Variants in EMX2 observed in about 807,000 individuals in gnomAD.
EMX2 encodes the protein empty spiracles homeobox 2.
EMX2 carries 6 observed loss-of-function variants against 23.0 expected under a neutral mutation model. That is an observed-to-expected ratio of 0.26 (90% CI 0.14 to 0.52). The LOEUF is 0.52. Among genes scored for constraint, EMX2 ranks in the 20% least tolerant of loss-of-function variants. The pLI, the probability that EMX2 is intolerant of heterozygous loss-of-function variation, is 0.97. For missense variants in EMX2, 302 were observed against 341.4 expected, an observed-to-expected ratio of 0.88 and a Z score of 0.91; for synonymous variants, 175 against 153.3, an observed-to-expected ratio of 1.14 and a Z score of -1.04.
At position 117,548,394 on chromosome 10, in the gene EMX2, G is replaced by A. The variant is rs1846610620; in HGVS notation, c.*162G>A. ...GCAGCGGAATGCGGCGAAGACTCTGGACAGCGAGGGCACAGGGTCCCAAAC... is the reference window on the plus strand; with the variant it reads ...GCAGCGGAATGCGGCGAAGACTCTGAACAGCGAGGGCACAGGGTCCCAAAC... On this transcript the variant is annotated 3_prime_UTR_variant, in exon 3 of 3. Coordinates refer to ENST00000553456, the MANE Select transcript of EMX2 (RefSeq NM_004098.4). 3 of 1,159,812 alleles carry A rather than the reference G, an allele frequency of 2.6e-6. No individual in the cohort carries two copies. In the African/African-American group the frequency reaches 4.7e-5, roughly 18 times the overall value. The allele number at this position is 1,159,812 out of a possible 1,614,324, so 71.8% of individuals were successfully genotyped here. A position where few individuals can be genotyped will look rare whatever the true frequency, so the allele number is the denominator to read the frequency against.
chr10:117,545,515 G>A (rs954780123), intron 1 of EMX2, 117 bp from the exon 2 acceptor site: 21 of 1,286,610 alleles, frequency 1.6e-5, no homozygotes, highest in Non-Finnish European at 2.3e-5. Flanking sequence ...CGCAGGTCGA[G>A]CGGCGCGGCT....
chr10:117,544,902 C>T (rs977315158), intron 1 of EMX2: 3 of 152,240 alleles, frequency 2.0e-5, no homozygotes, highest in African/African-American at 7.2e-5. Context: ...CCTCACCAGA[C>T]CCGGAGCCGC....
intron 1 of EMX2, among the ~76,000 whole-genome samples, 154 bp downstream of exon 1, chr10:117,543,827 C>T (rs929654999): frequency 2.6e-5 from 4 of 152,218 alleles, no homozygotes; most frequent in African/African-American, 9.6e-5. Flanking sequence ...CGGCGCGGGG[C>T]CGGGCGTGGT....
rs753421276 is a variant in EMX2, at chr10:117,545,648, C to G, written c.423C>G (p.Pro141=). Residue 141 remains proline (P), a synonymous_variant, in exon 2 of 3, where the codon CCC becomes CCG. Coordinates refer to ENST00000553456, the MANE Select transcript of EMX2 (RefSeq NM_004098.4). ...TCCCCGCAGGGAACGACACTAGCCC[C>G]GAGAGTTTCCTTTTGCACAACGCGC... is the stretch of plus-strand genomic sequence containing the variant. The part of the protein sequence containing the change: ...GHRFQGNDTS[P]ESFLLHNALA... 6.2e-7 allele frequency: 1 copy of G among 1,614,114 alleles called. No individual in the cohort carries two copies. Among genetic ancestry groups the G allele is most frequent in the Non-Finnish European group, 8.5e-7 (1 of 1,180,030 alleles).
In EMX2 at chr10:117,548,744, GT is replaced by G. The variant is rs1389730027; in HGVS notation, c.*515del. On this transcript the variant is annotated 3_prime_UTR_variant, in exon 3 of 3. Transcript: ENST00000553456. ...TTTTTTGTTTTTTGCACTTCGCTGT[GT>G]TTCCCCCCCATCTTTAAAAATAATT... The G allele has an allele frequency of 2.5e-6, 1 of 406,530 alleles. No homozygotes were observed. The highest frequency in any genetic ancestry group is 4.3e-6 in the Non-Finnish European group (1 of 230,864). The allele number at this position is 406,530 out of a possible 1,614,324, so 25.2% of individuals were successfully genotyped here. A position where few individuals can be genotyped will look rare whatever the true frequency, so the allele number is the denominator to read the frequency against.
rs755940979 is a variant in EMX2 at position 117,543,348 on chromosome 10, C to T, written c.81C>T (p.Ser27=). 2 of 1,560,780 alleles carry T rather than the reference C, an allele frequency of 1.3e-6. No homozygotes were observed. The highest frequency in any genetic ancestry group is 1.7e-6 in the Non-Finnish European group (2 of 1,153,182). ...AKDSPLPASR[S]EDPIRPAALS... is the part of the protein sequence containing the mutation. ...ACAGTCCCCTGCCCGCCTCGCGCTC[C>T]GAGGACCCCATCCGTCCCGCGGCAC... Residue 27 remains serine, a synonymous_variant, in exon 1 of 3, where the codon TCC becomes TCT. Coordinates refer to ENST00000553456, the MANE Select transcript of EMX2 (RefSeq NM_004098.4).
rs1004214830 is a variant in EMX2, at chr10:117,543,788, G to A, written c.406+115G>A. Reference sequence around the variant, plus strand: ...CTGGGCGGAGGTTCCTCCGGCTCGCGGGCCAGCGCGCCCTGTTGGGAAACT... The same window carrying A: ...CTGGGCGGAGGTTCCTCCGGCTCGCAGGCCAGCGCGCCCTGTTGGGAAACT... On this transcript the variant is annotated intron_variant, in intron 1 of 2. Transcript: ENST00000553456. The A allele has an allele frequency of 3.3e-6, 5 of 1,515,902 alleles. No individual in the cohort carries two copies. The South Asian group carries it at 3.4e-5, about 10-fold the overall frequency. 93.9% of individuals were successfully genotyped at this position (1,515,902 alleles called of 1,614,324 possible).
At position 117,543,174 on chromosome 10, in the gene EMX2, C is replaced by G. The variant is rs965583845; in HGVS notation, c.-94C>G. ...ACCCCAAACAAACGAGTCCCCAATT[C>G]TCGTCCGTCCTCGCCGCGGGCAGCG... On this transcript the variant is annotated 5_prime_UTR_variant, in exon 1 of 3. Coordinates refer to ENST00000553456, the MANE Select transcript of EMX2 (RefSeq NM_004098.4). 1.8e-4 allele frequency: 116 copies of G among 646,128 alleles called. No homozygotes were observed. Among genetic ancestry groups the G allele is most frequent in the Non-Finnish European group, 2.4e-4 (115 of 477,210 alleles). The allele number at this position is 646,128 out of a possible 1,614,324, so 40.0% of individuals were successfully genotyped here. A position where few individuals can be genotyped will look rare whatever the true frequency, so the allele number is the denominator to read the frequency against.
Position 117,545,702 on chromosome 10 carries a change from C to A in EMX2, c.477C>A (p.Thr159=). ...ALARKPKRIR[T]AFSPSQLLRL... is the part of the protein sequence containing the mutation. ...CCCGAAAGCCCAAGCGGATCCGAACCGCCTTCTCCCCGTCCCAGCTTCTAA... is the reference window on the plus strand; with the variant it reads ...CCCGAAAGCCCAAGCGGATCCGAACAGCCTTCTCCCCGTCCCAGCTTCTAA... The change falls in exon 2 of 3, where the codon ACC becomes ACA. Residue 159 remains threonine, a synonymous_variant. Transcript: ENST00000553456. 1 of 1,614,162 alleles carries A rather than the reference C, an allele frequency of 6.2e-7. No individual in the cohort carries two copies.
intron 2 of EMX2, among the ~76,000 whole-genome samples, chr10:117,546,683 G>T (rs1846583272): frequency 6.6e-6 from 1 of 152,260 alleles, no homozygotes; most frequent in African/African-American, 2.4e-5. Context: ...CAGCCGAGGC[G>T]GCGGTGGTCT....
At position 117,548,154 on chromosome 10, in the gene EMX2, G is replaced by A; in HGVS notation, c.681G>A (p.Gly227=). 6.2e-7 allele frequency: 1 copy of A among 1,614,020 alleles called. No individual in the cohort carries two copies. Among genetic ancestry groups the A allele is most frequent in the Non-Finnish European group, 8.5e-7 (1 of 1,179,994 alleles). ...CAGATTCGCAACAAAAGAAAAAAGG[G>A]ACGCACCATATTAACCGGTGGAGAA... The part of the protein sequence containing the change: ...EGSDSQQKKK[G]THHINRWRIA... Residue 227 remains glycine, a synonymous_variant, in exon 3 of 3, where the codon GGG becomes GGA. Coordinates refer to ENST00000553456, the MANE Select transcript of EMX2 (RefSeq NM_004098.4).
intron 1 of EMX2, among the ~76,000 whole-genome samples, 186 bp downstream of exon 1, chr10:117,543,859 C>G (rs1343906338): frequency 6.6e-6 from 1 of 152,240 alleles, no homozygotes; most frequent in Non-Finnish European, 1.5e-5. Context: ...GTCTCCGAAG[C>G]TACGACTGGT....
chr10:117,546,452 T>TAC (rs1463550270), intron 2 of EMX2, among the ~76,000 whole-genome samples: 1 of 152,234 alleles, frequency 6.6e-6, no homozygotes, highest in African/African-American at 2.4e-5. Flanking sequence ...GGTTTAGGAC[T>TAC]ACACTAGGCG....
Position 117,543,277 on chromosome 10 carries a change from C to T in EMX2, c.10C>T (p.Pro4Ser), listed in dbSNP as rs1260105460. The T allele has an allele frequency of 6.5e-7, 1 of 1,547,930 alleles. No individual in the cohort carries two copies. Among genetic ancestry groups the T allele is most frequent in the Non-Finnish European group, 8.7e-7 (1 of 1,145,958 alleles). MFQ[P>S]APKRCFTIES... ...CGCTCCTCGGCGCAGCATGTTCCAG[C>T]CGGCGCCCAAGCGCTGCTTCACCAT... Residue 4 changes from proline (P) to serine (S), a missense_variant, in exon 1 of 3, where the codon CCG becomes TCG. Physicochemically the swap from Pro to Ser is moderately conservative, Grantham distance 74. Coordinates refer to ENST00000553456, the MANE Select transcript of EMX2 (RefSeq NM_004098.4).
chr10:117,545,512 C>A (rs1846564195), intron 1 of EMX2, 120 bp from the exon 2 acceptor site: 2 of 1,253,908 alleles, frequency 1.6e-6, no homozygotes, highest in South Asian at 1.5e-5. Context: ...CCCCGCAGGT[C>A]GAGCGGCGCG....
At chr10:117,544,657 C>T (rs1362047779) in intron 1 of EMX2, 1 of 152,114 alleles carries the variant, frequency 6.6e-6, no homozygotes, top group Non-Finnish European at 1.5e-5. Flanking sequence ...GATGTCACCC[C>T]CCTCCCCATA....
rs1846612350 is a variant in EMX2, at chr10:117,548,505, A to G, written c.*273A>G. 3.4e-6 allele frequency: 2 copies of G among 588,036 alleles called. No homozygotes were observed. The highest frequency in any genetic ancestry group is 5.6e-5 in the East Asian group (2 of 35,544). 36.4% of individuals were successfully genotyped at this position (588,036 alleles called of 1,614,324 possible). A position where few individuals can be genotyped will look rare whatever the true frequency, so the allele number is the denominator to read the frequency against. Reference sequence around the variant, plus strand: ...AAAGAGGCAGCTGAGTGAGAGACACAGAGAGAAGGAGAAAGAGGGAGGGAG... The same window carrying G: ...AAAGAGGCAGCTGAGTGAGAGACACGGAGAGAAGGAGAAAGAGGGAGGGAG... On this transcript the variant is annotated 3_prime_UTR_variant, in exon 3 of 3. Transcript: ENST00000553456.
In EMX2 at chr10:117,548,061, G is replaced by T. The variant is rs1384770055; in HGVS notation, c.592-4G>T. 4.4e-6 allele frequency: 7 copies of T among 1,608,346 alleles called. No homozygotes were observed. The highest frequency in any genetic ancestry group is 5.9e-6 in the Non-Finnish European group (7 of 1,177,446). The stretch of plus-strand genomic sequence containing the variant: ...AACGCACCCCATCTGCCTCTCACCC[G>T]CAGGTAAAAGTATGGTTTCAGAACC... On this transcript the variant is annotated splice_polypyrimidine_tract_variant and splice_region_variant and intron_variant, in intron 2 of 2. Coordinates refer to ENST00000553456, the MANE Select transcript of EMX2 (RefSeq NM_004098.4).
intron 2 of EMX2, among the ~76,000 whole-genome samples, chr10:117,546,763 C>A (rs942226246): frequency 1.3e-4 from 20 of 152,242 alleles, no homozygotes; most frequent in Admixed American, 9.8e-4. Flanking sequence ...CACCGACGCG[C>A]GCCTTGGGCC....
Sources: gnomAD v4.1 joint callset for allele counts (sites outside exome capture counted in the v4.1 genomes callset) on GRCh38, gnomAD v4.1.1 for gene constraint, MANE v1.5 for transcripts, NCBI Gene and HGNC (gene_info 2026-07-23, HGNC 2026-07-21) for gene names.